Variants in MCPH1 observed in about 807,000 individuals in gnomAD.
MCPH1 encodes microcephalin 1, also known as microcephalin.
MCPH1 carries 104 observed loss-of-function variants against 84.5 expected under a neutral mutation model. That is an observed-to-expected ratio of 1.23 (90% confidence interval 1.05 to 1.45). The LOEUF is 1.45. Among genes scored for constraint, MCPH1 ranks in the 40% most tolerant of loss-of-function variants. The probability of loss-of-function intolerance (pLI) is 0.00; values close to 1 mark genes in which losing one functional copy is unlikely to be tolerated. For missense variants in MCPH1, 1,498 were observed against 1,005.7 expected (o/e 1.49, Z -6.62); for synonymous variants, 514 against 366.8 (o/e 1.40, Z -4.58).
intron 11 of MCPH1, chr8:6,494,365 T>C (rs1451758430): frequency 6.6e-6 from 1 of 152,208 alleles, no homozygotes; most frequent in East Asian, 1.9e-4. Context: ...AACCTTGATA[T>C]GGGCATTCTC....
At chr8:6,532,264 CT>C in intron 12 of MCPH1, 2 of 1,583,898 alleles carry the variant, frequency 1.3e-6, no homozygotes, top group Non-Finnish European at 1.7e-6. Context: ...ATTGAGGAAG[CT>C]CCTGACGCGA....
At chr8:6,501,015 C>G (rs1563295750) in intron 12 of MCPH1, 1 of 152,174 alleles carries the variant, frequency 6.6e-6, no homozygotes, top group African/African-American at 2.4e-5. Flanking sequence ...GTGAAATTTT[C>G]TTATTTTCAG....
chr8:6,479,679 T>C (rs1034827746), intron 10 of MCPH1, among the ~76,000 whole-genome samples: 7 of 152,054 alleles, frequency 4.6e-5, no homozygotes, highest in African/African-American at 9.7e-5. Flanking sequence ...AAGCCCTCCA[T>C]TGGGGATTTT....
intron 3 of MCPH1, among the ~76,000 whole-genome samples, chr8:6,421,974 T>C (rs540193247): frequency 6.6e-6 from 1 of 152,370 alleles, no homozygotes; most frequent in East Asian, 1.9e-4. Flanking sequence ...CCTTTATACA[T>C]GTTGCATTGC....
At chr8:6,500,275 G>C (rs1563294249) in intron 12 of MCPH1, 1 of 251,066 alleles carries the variant, frequency 4.0e-6, no homozygotes, top group Non-Finnish European at 7.9e-6. Flanking sequence ...GAACTGATAG[G>C]TATAAAGATT....
At chr8:6,466,838 AG>A (rs1433536158) in intron 9 of MCPH1, among the ~76,000 whole-genome samples, 9 of 152,190 alleles carry the variant, frequency 5.9e-5, no homozygotes, top group Non-Finnish European at 4.4e-5. Flanking sequence ...GGCCTTCCAA[AG>A]TGCTGGGATT....
intron 3 of MCPH1, among the ~76,000 whole-genome samples, chr8:6,426,491 G>C (rs543383129): frequency 6.6e-6 from 1 of 152,318 alleles, no homozygotes; most frequent in African/African-American, 2.4e-5. Context: ...ATGTTTTTGC[G>C]ATCTGTCCGT....
intron 3 of MCPH1, among the ~76,000 whole-genome samples, chr8:6,425,187 G>A (rs537474990): frequency 6.6e-6 from 1 of 152,318 alleles, no homozygotes; most frequent in Non-Finnish European, 1.5e-5. Flanking sequence ...GGCTTCCCGA[G>A]GAGAACGTTG....
intron 1 of MCPH1, 42 bp from the exon 2 acceptor site, chr8:6,409,237 G>A: frequency 6.6e-7 from 1 of 1,511,534 alleles, no homozygotes; most frequent in Non-Finnish European, 9.2e-7. Context: ...AGGGGATGCT[G>A]GAATTTCAAA....
intron 12 of MCPH1, among the ~76,000 whole-genome samples, chr8:6,588,560 G>A (rs747261239): frequency 2.6e-5 from 4 of 152,326 alleles, no homozygotes; most frequent in African/African-American, 9.6e-5. Context: ...CTGGAGTGGC[G>A]TAAGTCTGGT....
At chr8:6,619,293 CTTTAT>C (rs1831170190) in intron 12 of MCPH1, 2 of 152,240 alleles carry the variant, frequency 1.3e-5, no homozygotes, top group Admixed American at 1.3e-4. Flanking sequence ...CAATCAAATA[CTTTAT>C]TTTATTGTTT....
chr8:6,592,614 C>CTTTTTTTTTTTTTTTTTTTTTTTTTTTT (rs1252024553), intron 12 of MCPH1, among the ~76,000 whole-genome samples: 64 of 65,522 alleles, frequency 9.8e-4, no homozygotes, highest in Non-Finnish European at 1.4e-3. Flanking sequence ...GTTTTTCTTT[C>CTTTTTTTTTTTTTTTTTTTTTTTTTTTT]TTTTTTTTGT....
At chr8:6,574,329 T>C (rs1482697831) in intron 12 of MCPH1, among the ~76,000 whole-genome samples, 3 of 152,036 alleles carry the variant, frequency 2.0e-5, no homozygotes, top group African/African-American at 7.3e-5. Context: ...GGCCTCATCG[T>C]CTCATGGTAT....
chr8:6,485,033 G>A (rs1867395), intron 11 of MCPH1, among the ~76,000 whole-genome samples: 150,067 of 152,306 alleles, frequency 0.99, 73,962 homozygotes, highest in East Asian at 1. Flanking sequence ...TTTAAATTAA[G>A]AAGAATATCT....
chr8:6,461,039 G>C (rs1195532052), intron 9 of MCPH1, among the ~76,000 whole-genome samples: 5 of 152,120 alleles, frequency 3.3e-5, no homozygotes, highest in Non-Finnish European at 7.3e-5. Context: ...GAAGACAGCA[G>C]TAAGAGGCCA....
intron 12 of MCPH1, among the ~76,000 whole-genome samples, chr8:6,587,184 A>T (rs1446481679): frequency 6.6e-6 from 1 of 152,110 alleles, no homozygotes; most frequent in Non-Finnish European, 1.5e-5. Flanking sequence ...TGCCGCTTTT[A>T]TAAAAAATAA....
rs115003275 is a variant in MCPH1 at position 6,462,270 on chromosome 8, T to G, written c.1935+7018T>G. On this transcript the variant is annotated intron_variant, in intron 9 of 13. Transcript: ENST00000344683. ...TAGCTTGCATATGCTGATAGTTGCT[T>G]GTTCTTACATCTTTGCTAGAATATG... Among the ~76,000 whole-genome samples, 910 of 152,348 alleles carry G rather than the reference T, an allele frequency of 6.0e-3. 11 individuals carry two copies. Among genetic ancestry groups the G allele is most frequent in the African/African-American group, 0.021 (875 of 41,570 alleles).
chr8:6,422,890 G>A (rs959673260), intron 3 of MCPH1, among the ~76,000 whole-genome samples: 1 of 151,838 alleles, frequency 6.6e-6, no homozygotes, highest in Non-Finnish European at 1.5e-5. Flanking sequence ...GGGTTTCACT[G>A]TGTTAGCCAG....
intron 12 of MCPH1, among the ~76,000 whole-genome samples, chr8:6,545,249 T>C (rs1822362449): frequency 6.6e-6 from 1 of 152,204 alleles, no homozygotes; most frequent in Non-Finnish European, 1.5e-5. Flanking sequence ...GTTTCCTAGA[T>C]CTTGACCTCG....
Sources: gnomAD v4.1 joint callset for allele counts (sites outside exome capture counted in the v4.1 genomes callset) on GRCh38, gnomAD v4.1.1 for gene constraint, MANE v1.5 for transcripts, NCBI Gene and HGNC (gene_info 2026-07-23, HGNC 2026-07-21) for gene names.